Variants in SLC20A1 observed in about 807,000 individuals in gnomAD.
SLC20A1 encodes sodium-dependent phosphate transporter 1.
Under a neutral mutation model 62.7 loss-of-function variants are expected in SLC20A1, and 28 were observed. The observed-to-expected ratio is 0.45, with a 90% CI of 0.33 to 0.61. The LOEUF (loss-of-function observed/expected upper bound fraction) is 0.61. SLC20A1 is among the 20% of genes least tolerant of loss of function. SLC20A1 has a pLI of 0.02. For missense variants in SLC20A1, 673 were observed against 838.6 expected (o/e 0.80, Z 2.44); for synonymous variants, 305 against 302.9 (o/e 1.01, Z -0.07).
At chr2:112,660,612 T>C (rs377088138) in intron 9 of SLC20A1, 40 bp downstream of exon 9, 3 of 1,556,930 alleles carry the variant, frequency 1.9e-6, no homozygotes, top group Admixed American at 1.9e-5. Context: ...TCAGTACTCA[T>C]TTTTTTCAGA....
chr2:112,654,523 A>T (rs913529596), intron 5 of SLC20A1, among the ~76,000 whole-genome samples: 2 of 152,236 alleles, frequency 1.3e-5, no homozygotes, highest in Non-Finnish European at 1.5e-5. Flanking sequence ...CAGTAATTTC[A>T]TGTATATTTT....
chr2:112,648,267 C>G lies in SLC20A1; in HGVS notation c.561+529C>G, dbSNP rs551273163. On this transcript the variant is annotated intron_variant, in intron 4 of 10. Transcript: ENST00000272542. ...AGAACCAGTTAAAGGTAGTTTTTGG[C>G]CCGCCCCCCAAAAAAACTTCAGGCA... Among the ~76,000 whole-genome samples the G allele has an allele frequency of 5.3e-5, 8 of 152,160 alleles. No individual in the cohort carries two copies. The South Asian group carries it at 1.5e-3, about 28-fold the overall frequency.
chr2:112,647,315 A>AT lies in SLC20A1; in HGVS notation c.335-8dup. The AT allele has an allele frequency of 6.2e-7, 1 of 1,609,356 alleles. No individual in the cohort carries two copies. Among genetic ancestry groups the AT allele is most frequent in the Non-Finnish European group, 8.5e-7 (1 of 1,178,254 alleles). ...GATATTTACTTAATAAAACTTTACT[A>AT]TGTTTCAGGTTCTGCTGTGTGGCAA... On this transcript the variant is annotated splice_polypyrimidine_tract_variant and intron_variant, in intron 2 of 10. Coordinates refer to ENST00000272542, the MANE Select transcript of SLC20A1 (RefSeq NM_005415.5).
In SLC20A1 at chr2:112,663,372, T is replaced by C. The variant is rs1003466542; in HGVS notation, c.*347T>C. ...ACTTGTGATTTTTTTTTCTTTTTTT[T>C]AAACCATGAAGAGCCGTTTGACAGA... is the stretch of plus-strand genomic sequence containing the variant. On this transcript the variant is annotated 3_prime_UTR_variant, in exon 11 of 11. Coordinates refer to ENST00000272542, the MANE Select transcript of SLC20A1 (RefSeq NM_005415.5). 1.7e-5 allele frequency: 6 copies of C among 357,418 alleles called. No individual in the cohort carries two copies. The highest frequency in any genetic ancestry group is 1.3e-4 in the African/African-American group (6 of 46,756). 22.1% of individuals were successfully genotyped at this position (357,418 alleles called of 1,614,324 possible).
In SLC20A1 at chr2:112,658,945, A is replaced by T. The variant is rs1282047892; in HGVS notation, c.899A>T (p.Glu300Val). ...GDIENKHPVS[E>V]VGPATVPLQA... The stretch of plus-strand genomic sequence containing the variant: ...ATTGAAAACAAGCATCCTGTTTCTG[A>T]GGTAGGGCCTGCCACTGTGCCCCTC... The change falls in exon 7 of 11, where the codon GAG (glutamate) becomes GTG (valine). Residue 300 changes from glutamate to valine, a missense_variant. Glu to Val is a moderately radical substitution (Grantham distance 121, BLOSUM62 -2). Transcript: ENST00000272542. 2 of 1,614,074 alleles carry T rather than the reference A, an allele frequency of 1.2e-6. No homozygotes were observed. Among genetic ancestry groups the T allele is most frequent in the Non-Finnish European group, 1.7e-6 (2 of 1,180,052 alleles).
Position 112,647,663 on chromosome 2 carries a change from G to A in SLC20A1, c.486G>A (p.Trp162Ter). The change falls in exon 4 of 11, where the codon TGG becomes TGA. Residue 162 changes from tryptophan (W) to a stop codon, truncating the protein, a stop_gained. Coordinates refer to ENST00000272542, the MANE Select transcript of SLC20A1 (RefSeq NM_005415.5). LOFTEE classifies it high-confidence loss of function. ...TGTGTTCTATTCCAGTGATGTCTTGGTTCGTGTCCCCACTGCTTTCTGGAA... is the reference window on the plus strand; with the variant it reads ...TGTGTTCTATTCCAGTGATGTCTTGATTCGTGTCCCCACTGCTTTCTGGAA... ...WSELIKIVMS[W>*]FVSPLLSGIM... The A allele has an allele frequency of 1.2e-6, 2 of 1,613,462 alleles. No individual in the cohort carries two copies. The highest frequency in any genetic ancestry group is 1.7e-6 in the Non-Finnish European group (2 of 1,179,456).
At chr2:112,648,584 G>A (rs1268390416) in intron 4 of SLC20A1, among the ~76,000 whole-genome samples, 1 of 152,222 alleles carries the variant, frequency 6.6e-6, no homozygotes, top group African/African-American at 2.4e-5. Context: ...AGACCCACTT[G>A]TCTGGTCTAG....
rs1443545123 is a variant in SLC20A1 at position 112,658,839 on chromosome 2, A to G, written c.793A>G (p.Ser265Gly). Residue 265 changes from serine (S) to glycine (G), a missense_variant, in exon 7 of 11, where the codon AGT (serine) becomes GGT (glycine). By Grantham distance (56) the Ser-to-Gly change is moderately conservative (BLOSUM62 0). Transcript: ENST00000272542. ...TTTTTTCCTAGGAGAAATAAAGTGT[A>G]GTCCTTCTGAAAGCCCCTTAATGGA... ...KRKIEREIKC[S>G]PSESPLMEKK... The G allele has an allele frequency of 5.6e-6, 9 of 1,610,664 alleles. No individual in the cohort carries two copies. Among genetic ancestry groups the G allele is most frequent in the Non-Finnish European group, 7.6e-6 (9 of 1,178,294 alleles).
chr2:112,647,193 TG>T, intron 2 of SLC20A1, 31 bp downstream of exon 2: 1 of 1,598,252 alleles, frequency 6.3e-7, no homozygotes, highest in South Asian at 1.1e-5. Flanking sequence ...GTCCTCTTCG[TG>T]GTGGGTGAGC....
intron 3 of SLC20A1, 60 bp from the exon 4 acceptor site, chr2:112,647,593 G>T (rs1166036273): frequency 3.2e-6 from 5 of 1,583,496 alleles, no homozygotes; most frequent in Non-Finnish European, 4.3e-6. Context: ...AACATTTAAA[G>T]TGGTTTTTGG....
chr2:112,657,441 A>C (rs1388266576), intron 6 of SLC20A1, among the ~76,000 whole-genome samples, 200 bp downstream of exon 6: 1 of 152,204 alleles, frequency 6.6e-6, no homozygotes, highest in Non-Finnish European at 1.5e-5. Flanking sequence ...AAATGGACTT[A>C]CATGACCTAA....
Position 112,659,705 on chromosome 2 carries a change from T to C in SLC20A1, c.1550T>C (p.Phe517Ser). The change falls in exon 8 of 11, where the codon TTC (phenylalanine) becomes TCC (serine). Residue 517 changes from phenylalanine to serine, a missense_variant. By Grantham distance (155) the Phe-to-Ser change is radical (BLOSUM62 -2). Coordinates refer to ENST00000272542, the MANE Select transcript of SLC20A1 (RefSeq NM_005415.5). Reference protein sequence around the residue: ...DKPEVSLLFQFLQILTACFGS... With the variant: ...DKPEVSLLFQSLQILTACFGS... ...CCTGAAGTCTCTCTCCTCTTCCAGTTCCTGCAGATCCTTACAGCCTGCTTT... is the reference window on the plus strand; with the variant it reads ...CCTGAAGTCTCTCTCCTCTTCCAGTCCCTGCAGATCCTTACAGCCTGCTTT... 1 of 1,614,198 alleles carries C rather than the reference T, an allele frequency of 6.2e-7. No homozygotes were observed. Among genetic ancestry groups the C allele is most frequent in the Non-Finnish European group, 8.5e-7 (1 of 1,180,018 alleles).
At chr2:112,650,334 CTTT>C (rs398042584) in intron 4 of SLC20A1, among the ~76,000 whole-genome samples, 3 of 134,886 alleles carry the variant, frequency 2.2e-5, no homozygotes, top group African/African-American at 5.4e-5. Context: ...TTTTTGGAGC[CTTT>C]TTTTTTTTTT....
Position 112,660,465 on chromosome 2 carries a change from A to G in SLC20A1, c.1686A>G (p.Ile562Met). 1 of 1,614,194 alleles carries G rather than the reference A, an allele frequency of 6.2e-7. No homozygotes were observed. Among genetic ancestry groups the G allele is most frequent in the Admixed American group, 1.7e-5 (1 of 60,024 alleles). ...TTTCTTCAAAAGTGGCAACACCAAT[A>G]TGGCTTCTACTCTATGGTGGTGTTG... ...GDVSSKVATP[I>M]WLLLYGGVGI... The change falls in exon 9 of 11, where the codon ATA becomes ATG. Residue 562 changes from isoleucine (I) to methionine (M), a missense_variant. Transcript: ENST00000272542.
chr2:112,647,187 T>C, intron 2 of SLC20A1, 25 bp downstream of exon 2: 1 of 1,600,908 alleles, frequency 6.2e-7, no homozygotes, highest in Non-Finnish European at 8.5e-7. Context: ...TGTTTTGTCC[T>C]CTTCGTGGTG....
At chr2:112,652,846 A>C in intron 5 of SLC20A1, 48 bp downstream of exon 5, 1 of 1,612,654 alleles carries the variant, frequency 6.2e-7, no homozygotes, top group East Asian at 2.2e-5. Flanking sequence ...GTTGTTTACA[A>C]AACTTGCATT....
chr2:112,652,425 T>G, intron 4 of SLC20A1: 1 of 470,872 alleles, frequency 2.1e-6, no homozygotes, highest in Non-Finnish European at 3.8e-6. Flanking sequence ...TACCTTAGAA[T>G]GTGGGTATTG....
At chr2:112,652,209 G>A (rs759315147) in intron 4 of SLC20A1, 30 of 156,924 alleles carry the variant, frequency 1.9e-4, no homozygotes, top group Non-Finnish European at 3.2e-4. Flanking sequence ...ATTGAACTTC[G>A]GTAAAGCATT....
chr2:112,651,628 G>T (rs867734173), intron 4 of SLC20A1, among the ~76,000 whole-genome samples: 1 of 152,096 alleles, frequency 6.6e-6, no homozygotes, highest in Middle Eastern at 3.4e-3. Flanking sequence ...GGATGGTCTC[G>T]ATCTCCTGAC....
Sources: gnomAD v4.1 joint callset for allele counts (sites outside exome capture counted in the v4.1 genomes callset) on GRCh38, gnomAD v4.1.1 for gene constraint, MANE v1.5 for transcripts, NCBI Gene and HGNC (gene_info 2026-07-23, HGNC 2026-07-21) for gene names.